KIF26B: variants seen among roughly 807,000 people sequenced by gnomAD.
KIF26B encodes kinesin-like protein KIF26B.
In KIF26B, 63 loss-of-function variants were observed where a neutral mutation model predicts 151.2. That is an observed-to-expected ratio of 0.42 (90% CI 0.34 to 0.51). The LOEUF is 0.51. Among genes scored for constraint, KIF26B ranks in the 20% least tolerant of loss-of-function variants. KIF26B has a pLI of 0.07. For missense variants in KIF26B, 2,813 were observed against 2,913.6 expected (o/e 0.97, Z 0.79); for synonymous variants, 1,357 against 1,262.1 (o/e 1.08, Z -1.59).
intron 4 of KIF26B, among the ~76,000 whole-genome samples, chr1:245,469,724 C>A (rs1659869902): frequency 6.6e-6 from 1 of 152,100 alleles, no homozygotes; most frequent in South Asian, 2.1e-4. Context: ...TTCTGTCTAT[C>A]CTTGATTGAA....
At chr1:245,404,807 G>A (rs1304458840) in intron 3 of KIF26B, among the ~76,000 whole-genome samples, 1 of 152,156 alleles carries the variant, frequency 6.6e-6, no homozygotes, top group Non-Finnish European at 1.5e-5. Context: ...CAGAGAGCAG[G>A]GAAGTGATGA....
At chr1:245,647,436 AAAAAAAAG>A (rs1227916015) in intron 10 of KIF26B, among the ~76,000 whole-genome samples, 5 of 146,926 alleles carry the variant, frequency 3.4e-5, no homozygotes, top group South Asian at 2.1e-4. Flanking sequence ...AAAAAAAAAA[AAAAAAAAG>A]AAAAAAAAGA....
intron 2 of KIF26B, among the ~76,000 whole-genome samples, chr1:245,217,868 A>G (rs1377500918): frequency 6.6e-6 from 1 of 152,068 alleles, no homozygotes; most frequent in Non-Finnish European, 1.5e-5. Flanking sequence ...CACATGCGCC[A>G]TCCCATTTGA....
chr1:245,532,370 C>T (rs925276851), intron 4 of KIF26B, among the ~76,000 whole-genome samples: 14 of 151,178 alleles, frequency 9.3e-5, no homozygotes, highest in African/African-American at 2.2e-4. Flanking sequence ...CTCAGCCTCC[C>T]GAGTAGCTGG....
chr1:245,355,071 C>T (rs376728321), intron 2 of KIF26B, among the ~76,000 whole-genome samples: 53 of 152,160 alleles, frequency 3.5e-4, no homozygotes, highest in African/African-American at 1.1e-3. Context: ...CAGGCACCCA[C>T]CACCACACCT....
chr1:245,485,695 T>C (rs1344182617), intron 4 of KIF26B, among the ~76,000 whole-genome samples: 6 of 152,086 alleles, frequency 3.9e-5, no homozygotes, highest in Admixed American at 3.9e-4. Flanking sequence ...TCAAAAGTTT[T>C]TAAATGCTGC....
intron 2 of KIF26B, among the ~76,000 whole-genome samples, chr1:245,355,092 T>C (rs1300380117): frequency 6.6e-6 from 1 of 152,044 alleles, no homozygotes; most frequent in Non-Finnish European, 1.5e-5. Flanking sequence ...GGCTAATTTT[T>C]TGTATTTTGT....
intron 5 of KIF26B, among the ~76,000 whole-genome samples, chr1:245,595,961 T>G (rs900412246): frequency 3.9e-5 from 6 of 152,246 alleles, no homozygotes; most frequent in Non-Finnish European, 7.3e-5. Flanking sequence ...GAGGTGTTCA[T>G]AGTATTCTCT....
At chr1:245,678,691 G>A (rs982239195) in intron 10 of KIF26B, among the ~76,000 whole-genome samples, 57 of 151,682 alleles carry the variant, frequency 3.8e-4, no homozygotes, top group Middle Eastern at 3.4e-3. Flanking sequence ...GTGAAATCCC[G>A]TCTCTACTAA....
At chr1:245,628,252 G>A (rs1000445181) in intron 9 of KIF26B, among the ~76,000 whole-genome samples, 1 of 126,102 alleles carries the variant, frequency 7.9e-6, no homozygotes, top group Admixed American at 9.6e-5. Flanking sequence ...GGGGAGCCAA[G>A]CAGGTGGATC....
chr1:245,399,404 A>G (rs1019042586), intron 3 of KIF26B, among the ~76,000 whole-genome samples: 2 of 152,184 alleles, frequency 1.3e-5, no homozygotes, highest in Admixed American at 6.5e-5. Flanking sequence ...CATTATGTAC[A>G]TGGTTGACTT....
chr1:245,308,332 G>A (rs896796635), intron 2 of KIF26B, among the ~76,000 whole-genome samples: 10 of 152,154 alleles, frequency 6.6e-5, no homozygotes, highest in African/African-American at 2.4e-4. Context: ...AATTTAACAG[G>A]CTATCAAAGT....
intron 5 of KIF26B, among the ~76,000 whole-genome samples, chr1:245,579,690 C>G (rs1339220790): frequency 6.9e-6 from 1 of 145,974 alleles, no homozygotes; most frequent in African/African-American, 2.6e-5. Flanking sequence ...AACAAACAAA[C>G]AAACCAAATT....
chr1:245,382,533 TTG>T (rs71563746), intron 3 of KIF26B, among the ~76,000 whole-genome samples: 8 of 150,044 alleles, frequency 5.3e-5, no homozygotes, highest in Non-Finnish European at 7.4e-5. Context: ...AAGCACAGGT[TTG>T]TGTGTGTGTG....
intron 4 of KIF26B, among the ~76,000 whole-genome samples, chr1:245,499,658 G>A (rs1423015950): frequency 6.6e-6 from 1 of 152,238 alleles, no homozygotes; most frequent in Admixed American, 6.5e-5. Flanking sequence ...GGGGGACAGA[G>A]AGGCAAAGTG....
At chr1:245,230,628 A>G (rs1167241964) in intron 2 of KIF26B, among the ~76,000 whole-genome samples, 1 of 152,094 alleles carries the variant, frequency 6.6e-6, no homozygotes, top group Non-Finnish European at 1.5e-5. Flanking sequence ...CTGTAATCCC[A>G]GCTACTCGGG....
chr1:245,155,214 A>G lies in KIF26B; in HGVS notation c.-211A>G, dbSNP rs1668405900. On this transcript the variant is annotated 5_prime_UTR_variant, in exon 1 of 15. Transcript: ENST00000407071. ...AGGAAAAGCATGCTTTGAAGAGAAGAATAAACCAGCGACCCCAACCCTTTC... is the reference window on the plus strand; with the variant it reads ...AGGAAAAGCATGCTTTGAAGAGAAGGATAAACCAGCGACCCCAACCCTTTC... The G allele has an allele frequency of 3.4e-6, 2 of 594,054 alleles. No individual in the cohort carries two copies. Among genetic ancestry groups the G allele is most frequent in the East Asian group, 6.0e-5 (2 of 33,536 alleles). The allele number at this position is 594,054 out of a possible 1,614,324, so 36.8% of individuals were successfully genotyped here. A position where few individuals can be genotyped will look rare whatever the true frequency, so the allele number is the denominator to read the frequency against.
chr1:245,225,111 A>G (rs1403262690), intron 2 of KIF26B, among the ~76,000 whole-genome samples: 2 of 152,196 alleles, frequency 1.3e-5, no homozygotes, highest in Non-Finnish European at 2.9e-5. Context: ...CAAATTTACA[A>G]CAGCAAAACA....
rs140210772 is a variant in KIF26B at position 245,686,555 on chromosome 1, C to T, written c.3572C>T (p.Thr1191Met). 8.7e-4 allele frequency: 1,398 copies of T among 1,613,054 alleles called. 12 individuals carry two copies. The African/African-American group carries it at 0.014, about 17-fold the overall frequency. ...AACGGTGAGGACGAGCTGGTGTTCA[C>T]GCTGGTGGAGGAGCTGACCATCAGC... ...ELNGEDELVF[T>M]LVEELTISGV... is the part of the protein sequence containing the mutation. The change falls in exon 12 of 15, where the codon ACG becomes ATG. Residue 1191 changes from threonine to methionine, a missense_variant. By Grantham distance (81) the Thr-to-Met change is moderately conservative (BLOSUM62 -1). This residue lies in a region of KIF26B where 2,060 missense variants were observed against 2,088.6 expected (regional missense o/e 0.99). Transcript: ENST00000407071. The surrounding 1 kb of genome is among the most constrained non-coding windows in gnomAD (Gnocchi z 5.6).
Sources: gnomAD v4.1 joint callset for allele counts (sites outside exome capture counted in the v4.1 genomes callset) on GRCh38, gnomAD v4.1.1 for gene constraint, gnomAD v4.1.1 regional missense constraint, Gnocchi (gnomAD v3.1) non-coding constraint, MANE v1.5 for transcripts, NCBI Gene and HGNC (gene_info 2026-07-23, HGNC 2026-07-21) for gene names.